The following MOB4 variants were observed in gnomAD, a reference collection of about 807,000 sequenced individuals.
The protein encoded by MOB4 is MOB-like protein phocein.
A neutral mutation model predicts 32.2 loss-of-function variants in MOB4; 4 were observed. That is an observed-to-expected ratio of 0.12 (90% CI 0.06 to 0.28). MOB4 has a LOEUF of 0.28. Ranked by LOEUF, MOB4 falls within the 10% of genes least tolerant of loss-of-function variation. The probability of loss-of-function intolerance (pLI) is 1.00; values close to 1 mark genes in which losing one functional copy is unlikely to be tolerated. For synonymous variants in MOB4, 88 were observed against 88.1 expected, an observed-to-expected ratio of 1.00 and a Z score of 0.01; for missense variants, 158 against 271.2, an observed-to-expected ratio of 0.58 and a Z score of 2.93.
chr2:197,528,908 C>T (rs929516402), intron 2 of MOB4, among the ~76,000 whole-genome samples: 4 of 151,970 alleles, frequency 2.6e-5, no homozygotes, highest in African/African-American at 7.2e-5. Context: ...TGAGCCACCG[C>T]GCCTGGCCTC....
intron 6 of MOB4, among the ~76,000 whole-genome samples, chr2:197,549,879 A>AT (rs2087066812): frequency 1.3e-5 from 2 of 150,074 alleles, no homozygotes; most frequent in South Asian, 4.2e-4. Flanking sequence ...AAAAAAAAAA[A>AT]GAAAAGAAAA....
intron 2 of MOB4, among the ~76,000 whole-genome samples, chr2:197,534,358 T>C (rs182509564): frequency 1.3e-5 from 2 of 152,324 alleles, no homozygotes; most frequent in East Asian, 1.9e-4. Context: ...TTTTATGTTA[T>C]TACATTTTAA....
At chr2:197,528,808 G>A (rs184839594) in intron 2 of MOB4, among the ~76,000 whole-genome samples, 116 of 151,558 alleles carry the variant, frequency 7.7e-4, no homozygotes, top group African/African-American at 2.5e-3. Flanking sequence ...AGTAGAGAAC[G>A]GGGTTTCACT....
At chr2:197,544,247 T>A (rs1348271800) in intron 5 of MOB4, among the ~76,000 whole-genome samples, 11 of 152,066 alleles carry the variant, frequency 7.2e-5, no homozygotes, top group Non-Finnish European at 1.5e-4. Flanking sequence ...AATTTTTGTA[T>A]TTTTAGTAGA....
chr2:197,535,447 T>G, intron 2 of MOB4, 83 bp from the exon 3 acceptor site: 7 of 1,293,996 alleles, frequency 5.4e-6, no homozygotes, highest in Non-Finnish European at 6.3e-6. Flanking sequence ...AGAGCAGTTA[T>G]GTATTAACAA....
At chr2:197,536,541 C>T (rs116705518) in intron 3 of MOB4, among the ~76,000 whole-genome samples, 2,434 of 150,978 alleles carry the variant, frequency 0.016, 48 homozygotes, top group African/African-American at 0.051. Flanking sequence ...ATCTCTTAAC[C>T]GCTAATATAG....
chr2:197,528,819 G>A (rs1448821411), intron 2 of MOB4, among the ~76,000 whole-genome samples: 1 of 151,506 alleles, frequency 6.6e-6, no homozygotes, highest in African/African-American at 2.4e-5. Flanking sequence ...GGGTTTCACT[G>A]TGTTAGCCAG....
At chr2:197,550,108 A>G (rs532548071) in intron 6 of MOB4, among the ~76,000 whole-genome samples, 167 bp from the exon 7 acceptor site, 2 of 152,334 alleles carry the variant, frequency 1.3e-5, no homozygotes, top group Admixed American at 1.3e-4. Flanking sequence ...ACACTGGCCT[A>G]GAACTGAGGA....
Position 197,550,690 on chromosome 2 carries a change from T to G in MOB4, c.*44T>G, listed in dbSNP as rs777115834. 1.3e-6 allele frequency: 2 copies of G among 1,540,734 alleles called. No homozygotes were observed. The highest frequency in any genetic ancestry group is 1.7e-6 in the Non-Finnish European group (2 of 1,150,812). The stretch of plus-strand genomic sequence containing the variant: ...TGTACTGATCATATAATTAACATTA[T>G]GTACTGTATATATCATTTTAGACAC... On this transcript the variant is annotated 3_prime_UTR_variant, in exon 8 of 8. Transcript: ENST00000323303.
At chr2:197,541,465 G>A (rs185806955) in intron 5 of MOB4, among the ~76,000 whole-genome samples, 4 of 152,242 alleles carry the variant, frequency 2.6e-5, no homozygotes, top group African/African-American at 9.6e-5. Flanking sequence ...AGACAAGTGA[G>A]GCCCTAGTTG....
At chr2:197,518,690 G>A (rs2086460375) in intron 1 of MOB4, among the ~76,000 whole-genome samples, 1 of 152,000 alleles carries the variant, frequency 6.6e-6, no homozygotes, top group African/African-American at 2.4e-5. Flanking sequence ...AGCCTCCTGA[G>A]TAGCTGGGAT....
At chr2:197,526,786 C>A (rs907897525) in intron 2 of MOB4, among the ~76,000 whole-genome samples, 1 of 152,130 alleles carries the variant, frequency 6.6e-6, no homozygotes, top group African/African-American at 2.4e-5. Context: ...GTCTCAGCAG[C>A]CTTGTCGAAA....
chr2:197,528,386 G>A (rs888902825), intron 2 of MOB4, among the ~76,000 whole-genome samples: 6 of 152,024 alleles, frequency 3.9e-5, no homozygotes, highest in Admixed American at 3.9e-4. Flanking sequence ...TTGAAATGTA[G>A]AAACTTTACT....
intron 3 of MOB4, among the ~76,000 whole-genome samples, chr2:197,539,844 T>A (rs984205334): frequency 8.5e-5 from 13 of 152,228 alleles, no homozygotes; most frequent in African/African-American, 3.1e-4. Flanking sequence ...TCCAAATTAC[T>A]TCCCTGAAAA....
chr2:197,524,754 C>T (rs1469897910), intron 2 of MOB4, among the ~76,000 whole-genome samples: 2 of 151,546 alleles, frequency 1.3e-5, no homozygotes, highest in East Asian at 3.9e-4. Flanking sequence ...GCTGGGATTG[C>T]AAGTATGAGT....
intron 5 of MOB4, among the ~76,000 whole-genome samples, chr2:197,541,073 ATATTT>A (rs2086888807): frequency 6.6e-6 from 1 of 151,528 alleles, no homozygotes; most frequent in African/African-American, 2.4e-5. Context: ...GCTAATTTTT[ATATTT>A]TTAGTAGAGA....
chr2:197,526,724 T>C (rs890528176), intron 2 of MOB4, among the ~76,000 whole-genome samples: 2 of 152,262 alleles, frequency 1.3e-5, no homozygotes, highest in African/African-American at 4.8e-5. Flanking sequence ...TTAATGCCAC[T>C]GAATTGTACA....
intron 1 of MOB4, among the ~76,000 whole-genome samples, chr2:197,521,823 C>A (rs1191648400): frequency 6.6e-6 from 1 of 152,192 alleles, no homozygotes. Context: ...TTATCCTGTT[C>A]TTTTTCCAAG....
Position 197,523,653 on chromosome 2 carries a change from T to C in MOB4, c.90T>C (p.Phe30=), listed in dbSNP as rs768922790. 6.2e-7 allele frequency: 1 copy of C among 1,610,272 alleles called. No individual in the cohort carries two copies. The highest frequency in any genetic ancestry group is 1.1e-5 in the South Asian group (1 of 89,684). ...QDFYNWPDES[F]DEMDSTLAVQ... is the part of the protein sequence containing the mutation. The stretch of plus-strand genomic sequence containing the variant: ...TCTATAATTGGCCTGATGAATCCTT[T>C]GATGAAATGGACAGTACACTAGCTG... Residue 30 remains phenylalanine, a synonymous_variant, in exon 2 of 8, where the codon TTT becomes TTC. Coordinates refer to ENST00000323303, the MANE Select transcript of MOB4 (RefSeq NM_015387.5).
Sources: gnomAD v4.1 joint callset for allele counts (sites outside exome capture counted in the v4.1 genomes callset) on GRCh38, gnomAD v4.1.1 for gene constraint, MANE v1.5 for transcripts, NCBI Gene and HGNC (gene_info 2026-07-23, HGNC 2026-07-21) for gene names.